GALNT17: variants seen among roughly 807,000 people sequenced by gnomAD.
The protein encoded by GALNT17 is polypeptide N-acetylgalactosaminyltransferase 17.
A neutral mutation model predicts 63.7 loss-of-function variants in GALNT17; 29 were observed. The observed-to-expected ratio is 0.46, with a 90% CI of 0.34 to 0.62. The LOEUF (loss-of-function observed/expected upper bound fraction) is 0.62. Among genes scored for constraint, GALNT17 ranks in the 20% least tolerant of loss-of-function variants. The probability of loss-of-function intolerance (pLI) is 0.01; values close to 1 mark genes in which losing one functional copy is unlikely to be tolerated. For missense variants in GALNT17, 603 were observed against 799.6 expected (o/e 0.75, Z 2.97); for synonymous variants, 305 against 318.3 (o/e 0.96, Z 0.45).
chr7:71,674,150 A>C (rs1562731177), intron 8 of GALNT17, among the ~76,000 whole-genome samples: 1 of 152,218 alleles, frequency 6.6e-6, no homozygotes, highest in Non-Finnish European at 1.5e-5. Context: ...CGGAAATATA[A>C]AGATGAAAAC....
intron 1 of GALNT17, among the ~76,000 whole-genome samples, chr7:71,176,075 G>T (rs1391617584): frequency 1.3e-5 from 2 of 152,070 alleles, no homozygotes; most frequent in Non-Finnish European, 2.9e-5. Flanking sequence ...TTTCAGCAAG[G>T]ATCTTATTTG....
chr7:71,506,214 A>C (rs1226841533), intron 5 of GALNT17, among the ~76,000 whole-genome samples: 1 of 152,144 alleles, frequency 6.6e-6, no homozygotes, highest in Non-Finnish European at 1.5e-5. Context: ...TCTAAAATCA[A>C]ACAGGAGGAC....
chr7:71,395,542 A>G (rs1463255526), intron 3 of GALNT17, among the ~76,000 whole-genome samples: 1 of 152,240 alleles, frequency 6.6e-6, no homozygotes, highest in African/African-American at 2.4e-5. Flanking sequence ...TAATAGGGCT[A>G]TGAATATTCA....
intron 1 of GALNT17, among the ~76,000 whole-genome samples, chr7:71,156,137 G>A (rs895617218): frequency 2.0e-5 from 3 of 151,594 alleles, no homozygotes; most frequent in Non-Finnish European, 2.9e-5. Context: ...CAGAGGTTGC[G>A]GTGAGCTGAG....
intron 5 of GALNT17, among the ~76,000 whole-genome samples, chr7:71,485,575 A>G (rs560221961): frequency 7.9e-5 from 12 of 152,254 alleles, no homozygotes; most frequent in African/African-American, 2.9e-4. Context: ...TCACCTGGCC[A>G]CCTTTCACCC....
intron 5 of GALNT17, among the ~76,000 whole-genome samples, chr7:71,528,765 A>G (rs748837674): frequency 6.6e-6 from 1 of 152,204 alleles, no homozygotes; most frequent in Non-Finnish European, 1.5e-5. Context: ...CCTGTTTCTC[A>G]AAAATGATTG....
intron 1 of GALNT17, among the ~76,000 whole-genome samples, chr7:71,285,820 T>G (rs1026254926): frequency 1.3e-5 from 2 of 152,210 alleles, no homozygotes; most frequent in African/African-American, 4.8e-5. Context: ...GTTTGTGGTT[T>G]AAGCCACCCA....
At chr7:71,589,662 T>C (rs1463096797) in intron 6 of GALNT17, among the ~76,000 whole-genome samples, 1 of 152,192 alleles carries the variant, frequency 6.6e-6, no homozygotes, top group Non-Finnish European at 1.5e-5. Flanking sequence ...AAACATTACA[T>C]TATTCAGTGC....
chr7:71,153,442 A>T (rs1281806065), intron 1 of GALNT17, among the ~76,000 whole-genome samples: 1 of 152,132 alleles, frequency 6.6e-6, no homozygotes, highest in Non-Finnish European at 1.5e-5. Context: ...TCTAGACAAG[A>T]TAGGAAGGGT....
intron 1 of GALNT17, among the ~76,000 whole-genome samples, chr7:71,297,305 G>C (rs1791100053): frequency 6.6e-6 from 1 of 152,214 alleles, no homozygotes; most frequent in Admixed American, 6.5e-5. Context: ...CACTTTGGGA[G>C]GCTGAGGCGG....
At chr7:71,211,570 G>T (rs1198849790) in intron 1 of GALNT17, among the ~76,000 whole-genome samples, 1 of 152,202 alleles carries the variant, frequency 6.6e-6, no homozygotes, top group Non-Finnish European at 1.5e-5. Flanking sequence ...GGGTAACAGG[G>T]AGAGATTGGA....
At chr7:71,254,726 G>A (rs1385733322) in intron 1 of GALNT17, among the ~76,000 whole-genome samples, 1 of 152,078 alleles carries the variant, frequency 6.6e-6, no homozygotes, top group African/African-American at 2.4e-5. Context: ...TTTGATTTTT[G>A]ATTTACAGAG....
intron 5 of GALNT17, among the ~76,000 whole-genome samples, chr7:71,457,076 C>T (rs10272342): frequency 0.042 from 6,448 of 152,000 alleles, 248 homozygotes; most frequent in African/African-American, 0.1. Flanking sequence ...ACAATAGAGG[C>T]AGAGGAAACA....
chr7:71,219,174 GGTAA>G (rs1353056696), intron 1 of GALNT17, among the ~76,000 whole-genome samples: 3 of 152,160 alleles, frequency 2.0e-5, no homozygotes, highest in African/African-American at 7.2e-5. Context: ...TTACAAATTA[GGTAA>G]GTGAAGCATA....
At chr7:71,143,621 A>T (rs1053526384) in intron 1 of GALNT17, among the ~76,000 whole-genome samples, 1 of 151,866 alleles carries the variant, frequency 6.6e-6, no homozygotes, top group African/African-American at 2.4e-5. Flanking sequence ...TTTGGATCCT[A>T]GGTTGGTTTG....
chr7:71,564,278 C>CTTTTTTTTTTTTTTTTTTTTTTTTT (rs10539122), intron 5 of GALNT17, among the ~76,000 whole-genome samples: 59 of 98,010 alleles, frequency 6.0e-4, no homozygotes, highest in Admixed American at 8.1e-4. Flanking sequence ...CTTTTCTTTT[C>CTTTTTTTTTTTTTTTTTTTTTTTTT]TTTTTTTTTT....
In GALNT17 at chr7:71,377,114, A is replaced by AAAATATATATAT; in HGVS notation, c.423-11120_423-11119insAATATATATATA. 4.5e-4 allele frequency among the ~76,000 whole-genome samples: 26 copies of AAAATATATATAT among 57,458 alleles called. 1 individual carries two copies. Among genetic ancestry groups the AAAATATATATAT allele is most frequent in the African/African-American group, 1.1e-3 (12 of 10,672 alleles). The allele number at this position is 57,458 out of a possible 152,430, so 37.7% of individuals were successfully genotyped here. A position where few individuals can be genotyped will look rare whatever the true frequency, so the allele number is the denominator to read the frequency against. ...AAAAAAAAAAAATAAAAATAAAAAA[A>AAAATATATATAT]ATATATATATATATATATATATATA... On this transcript the variant is annotated intron_variant, in intron 2 of 10. Coordinates refer to ENST00000333538, the MANE Select transcript of GALNT17 (RefSeq NM_022479.3).
chr7:71,282,356 G>A lies in GALNT17; in HGVS notation c.239-53194G>A, dbSNP rs547041463. Among the ~76,000 whole-genome samples the A allele has an allele frequency of 1.7e-4, 26 of 152,264 alleles. No individual in the cohort carries two copies. In the South Asian group the frequency reaches 2.3e-3, roughly 13 times the overall value. Reference sequence around the variant, plus strand: ...TAGCCTGGTGGGAGAAGAAGTAATCGAATTTACACAGCAGAATGAAGGAAC... The same window carrying A: ...TAGCCTGGTGGGAGAAGAAGTAATCAAATTTACACAGCAGAATGAAGGAAC... On this transcript the variant is annotated intron_variant, in intron 1 of 10. Transcript: ENST00000333538.
At chr7:71,684,456 G>T (rs936501070) in intron 9 of GALNT17, among the ~76,000 whole-genome samples, 3 of 152,310 alleles carry the variant, frequency 2.0e-5, no homozygotes, top group Admixed American at 2.0e-4. Context: ...GCAGCCCAGG[G>T]TTTGAACAGT....
Sources: allele counts gnomAD v4.1 joint callset (sites outside exome capture counted in the v4.1 genomes callset), GRCh38; gene constraint gnomAD v4.1.1; transcripts MANE v1.5; gene names NCBI Gene and HGNC (gene_info 2026-07-23, HGNC 2026-07-21).